SI: variants seen among roughly 807,000 people sequenced by gnomAD.
SI encodes sucrase-isomaltase, also known as sucrase-isomaltase, intestinal.
In SI, 235 loss-of-function variants were observed where a neutral mutation model predicts 253.3. The observed-to-expected ratio is 0.93, with a 90% CI of 0.83 to 1.03. The LOEUF (loss-of-function observed/expected upper bound fraction) is 1.03. Ranked by LOEUF, SI falls within the 50% of genes least tolerant of loss-of-function variation. The probability of loss-of-function intolerance (pLI) is 0.00; values close to 1 mark genes in which losing one functional copy is unlikely to be tolerated. For synonymous variants in SI, 819 were observed against 712.0 expected (o/e 1.15, Z -2.39); for missense variants, 2,442 against 2,211.1 (o/e 1.10, Z -2.09).
intron 1 of SI, among the ~76,000 whole-genome samples, chr3:165,076,912 C>A (rs1315460801): frequency 6.7e-6 from 1 of 149,900 alleles, no homozygotes; most frequent in African/African-American, 2.4e-5. Context: ...AGACATATAC[C>A]AAAGTAGAAC....
chr3:165,031,203 T>C (rs987567866), intron 24 of SI, among the ~76,000 whole-genome samples: 1 of 149,788 alleles, frequency 6.7e-6, no homozygotes, highest in African/African-American at 2.4e-5. Context: ...GCAAGATTTA[T>C]CCCACACCTA....
chr3:164,979,531 C>A (rs1474304432), intron 47 of SI, 101 bp from the exon 48 acceptor site: 6 of 638,052 alleles, frequency 9.4e-6, no homozygotes, highest in Non-Finnish European at 1.7e-5. Context: ...TAGTATATAC[C>A]TTTATTTTCT....
At chr3:165,039,594 T>C (rs1712710629) in intron 19 of SI, among the ~76,000 whole-genome samples, 1 of 152,090 alleles carries the variant, frequency 6.6e-6, no homozygotes, top group African/African-American at 2.4e-5. Context: ...AAATGAGAAC[T>C]CTTTGTTATT....
intron 27 of SI, 126 bp downstream of exon 27, chr3:165,021,103 T>C (rs1711583907): frequency 1.3e-6 from 1 of 776,724 alleles, no homozygotes; most frequent in African/African-American, 1.7e-5. Flanking sequence ...GGCAAAGTTA[T>C]TTAACACGTC....
chr3:165,021,288 C>T lies in SI; in HGVS notation c.3195G>A (p.Val1065=), dbSNP rs1711598406. Residue 1065 remains valine (V), a synonymous_variant, in exon 27 of 48, where the codon GTG becomes GTA. Transcript: ENST00000264382. ...ISTYEDRLYD[V]EIKENPFGIQ... Reference sequence around the variant, plus strand: ...TGCCAAAAGGATTTTCCTTGATTTCCACATCATAAAGTCTGTCTTCATAAG... The same window carrying T: ...TGCCAAAAGGATTTTCCTTGATTTCTACATCATAAAGTCTGTCTTCATAAG... 1.2e-6 allele frequency: 2 copies of T among 1,611,314 alleles called. No individual in the cohort carries two copies. Among genetic ancestry groups the T allele is most frequent in the Admixed American group, 1.7e-5 (1 of 59,754 alleles).
intron 47 of SI, among the ~76,000 whole-genome samples, 195 bp downstream of exon 47, chr3:164,982,048 C>G (rs575984957): frequency 1.3e-5 from 2 of 151,918 alleles, no homozygotes; most frequent in Non-Finnish European, 2.9e-5. Context: ...AAATAGATGT[C>G]ATTAGATTGA....
intron 3 of SI, among the ~76,000 whole-genome samples, chr3:165,069,757 AG>A (rs1254165385): frequency 6.6e-6 from 1 of 152,002 alleles, no homozygotes; most frequent in African/African-American, 2.4e-5. Context: ...CTGAATTCTC[AG>A]TAATTTTATT....
upstream of SI, among the ~76,000 whole-genome samples, chr3:165,079,537 C>A (rs148281351): frequency 2.5e-3 from 373 of 151,626 alleles, 1 homozygote; most frequent in South Asian, 8.3e-3. Context: ...TATATAAAAT[C>A]AGTTATATAG....
At chr3:165,015,275 A>G (rs1373719060) in intron 32 of SI, 42 bp from the exon 33 acceptor site, 5 of 1,360,710 alleles carry the variant, frequency 3.7e-6, no homozygotes, top group Non-Finnish European at 5.3e-6. Context: ...ACATGAAAAA[A>G]GCGTAACTAC....
chr3:165,069,435 T>C (rs1408291864), intron 3 of SI, among the ~76,000 whole-genome samples: 2 of 152,128 alleles, frequency 1.3e-5, no homozygotes, highest in African/African-American at 4.8e-5. Context: ...AAATCACGTA[T>C]CTATACAAAT....
intron 13 of SI, among the ~76,000 whole-genome samples, chr3:165,053,470 A>G (rs74922311): frequency 0.01 from 1,567 of 152,316 alleles, 25 homozygotes; most frequent in African/African-American, 0.036. Flanking sequence ...TGGCAAGTAG[A>G]TAAGTAATAG....
intron 21 of SI, 59 bp from the exon 22 acceptor site, chr3:165,036,536 C>A: frequency 8.3e-7 from 1 of 1,200,424 alleles, no homozygotes; most frequent in Non-Finnish European, 1.2e-6. Context: ...AATACAATAT[C>A]CTATAAACAA....
intron 44 of SI, among the ~76,000 whole-genome samples, chr3:164,990,263 T>G (rs1036167423): frequency 2.6e-5 from 4 of 152,094 alleles, no homozygotes; most frequent in Admixed American, 6.6e-5. Flanking sequence ...TTAATAAATA[T>G]TTCATGTTTT....
In SI at chr3:165,013,017, G is replaced by T; in HGVS notation, c.4025C>A (p.Thr1342Lys). 1.2e-6 allele frequency: 2 copies of T among 1,610,092 alleles called. No homozygotes were observed. The highest frequency in any genetic ancestry group is 1.7e-6 in the Non-Finnish European group (2 of 1,176,608). The change falls in exon 34 of 48, where the codon ACA (threonine) becomes AAA (lysine). Residue 1342 changes from threonine to lysine, a missense_variant. Coordinates refer to ENST00000264382, the MANE Select transcript of SI (RefSeq NM_001041.4). ...AKVWPDLPNI[T>K]IDKTLTEDEA... Reference sequence around the variant, plus strand: ...ATCTTCCGTTAGAGTTTTATCTATTGTTATGTTGGGCAAATCTGGCCAAAC... The same window carrying T: ...ATCTTCCGTTAGAGTTTTATCTATTTTTATGTTGGGCAAATCTGGCCAAAC...
chr3:165,086,441 AATAATATG>A, the SI span, among the ~76,000 whole-genome samples: 1 of 152,166 alleles, frequency 6.6e-6, no homozygotes, highest in African/African-American at 2.4e-5. Flanking sequence ...CTTTAATGAG[AATAATATG>A]TCAGCATCTT....
intron 47 of SI, 27 bp downstream of exon 47, chr3:164,982,216 T>C: frequency 6.3e-7 from 1 of 1,592,188 alleles, no homozygotes; most frequent in Non-Finnish European, 8.6e-7. Flanking sequence ...CGTACGCTTT[T>C]GAAAAATATT....
rs1717727818 is a variant in SI, at chr3:164,991,389, A to G, written c.5072T>C (p.Leu1691Pro). The change falls in exon 44 of 48, where the codon CTA (leucine) becomes CCA (proline). Residue 1691 changes from leucine (L) to proline (P), a missense_variant. By Grantham distance (98) the Leu-to-Pro change is moderately conservative. Transcript: ENST00000264382. ...INLHVRGGHI[L>P]PCQEPAQNTF... ...GTTTTGAGCTGGCTCTTGACATGGT[A>G]GGATGTGACCACCACGGACATGTAG... The G allele has an allele frequency of 6.2e-7, 1 of 1,613,702 alleles. No individual in the cohort carries two copies.
chr3:165,015,038 G>A (rs937891713), intron 33 of SI, 85 bp downstream of exon 33: 34 of 959,050 alleles, frequency 3.5e-5, no homozygotes, highest in Non-Finnish European at 4.8e-5. Flanking sequence ...TCTCCTGAAC[G>A]GTTTTAACTT....
chr3:165,021,526 A>G (rs1481878113), intron 26 of SI, 143 bp from the exon 27 acceptor site: 2 of 697,010 alleles, frequency 2.9e-6, no homozygotes, highest in East Asian at 5.1e-5. Flanking sequence ...CATGGTCCAT[A>G]TAACCATATC....
Sources: gnomAD v4.1 joint callset for allele counts (sites outside exome capture counted in the v4.1 genomes callset) on GRCh38, gnomAD v4.1.1 for gene constraint, MANE v1.5 for transcripts, NCBI Gene and HGNC (gene_info 2026-07-23, HGNC 2026-07-21) for gene names.